The following ACOX3 variants were observed in gnomAD, a reference collection of about 807,000 sequenced individuals.
The protein encoded by ACOX3 is acyl-CoA oxidase 3, pristanoyl.
A neutral mutation model predicts 81.5 loss-of-function variants in ACOX3; 73 were observed. The ratio of observed to expected loss-of-function variants is 0.90; its 90% confidence interval spans 0.74 to 1.09. The LOEUF (loss-of-function observed/expected upper bound fraction) is 1.09. Among genes scored for constraint, ACOX3 ranks in the 50% least tolerant of loss-of-function variants. ACOX3 has a pLI of 0.00. For synonymous variants in ACOX3, 387 were observed against 375.1 expected (o/e 1.03, Z -0.37); for missense variants, 947 against 928.0 (o/e 1.02, Z -0.27).
At chr4:8,375,397 T>C (rs1716819283) in intron 14 of ACOX3, among the ~76,000 whole-genome samples, 1 of 152,210 alleles carries the variant, frequency 6.6e-6, no homozygotes, top group African/African-American at 2.4e-5. Context: ...CTCCAAGGCC[T>C]CAGTCTCAGC....
chr4:8,420,724 G>A (rs1022229530), intron 1 of ACOX3, among the ~76,000 whole-genome samples: 5 of 152,114 alleles, frequency 3.3e-5, no homozygotes, highest in South Asian at 2.1e-4. Context: ...GTTCCAGCTC[G>A]AGCTGAGCTA....
rs62286001 is a variant in ACOX3, at chr4:8,377,136, C to T, written c.1654-1984G>A. On this transcript the variant is annotated intron_variant, in intron 14 of 17. Coordinates refer to ENST00000356406, the MANE Select transcript of ACOX3 (RefSeq NM_003501.3). ...CCACACCCCAAAACGTGCTCCCACA[C>T]CACGAGGGCCTCTCCTCTCGCCATG... is the stretch of plus-strand genomic sequence containing the variant. Among the ~76,000 whole-genome samples the T allele has an allele frequency of 4.8e-4, 73 of 152,264 alleles. 1 individual carries two copies. The highest frequency in any genetic ancestry group is 1.6e-3 in the African/African-American group (65 of 41,568).
chr4:8,436,351 C>T (rs574889525), intron 1 of ACOX3: 39 of 152,172 alleles, frequency 2.6e-4, no homozygotes, highest in South Asian at 8.3e-4. Context: ...TGGACACTGT[C>T]GTTAAGCTGA....
chr4:8,416,360 C>G lies in ACOX3; in HGVS notation c.144+18G>C, dbSNP rs770268716. On this transcript the variant is annotated intron_variant, in intron 2 of 17. Transcript: ENST00000356406. The surrounding 1 kb of genome is among the most constrained non-coding windows in gnomAD (Gnocchi z 4.2). ...CCACTGGGAAAAAAGACAAGCTGCG[C>G]ACAACCGCACGCCTCACCTTAAAGC... The G allele has an allele frequency of 4.3e-6, 7 of 1,614,088 alleles. No individual in the cohort carries two copies. In the South Asian group the frequency reaches 7.7e-5, roughly 18 times the overall value.
chr4:8,379,855 G>A (rs929644852), intron 14 of ACOX3, among the ~76,000 whole-genome samples: 9 of 152,122 alleles, frequency 5.9e-5, no homozygotes, highest in Non-Finnish European at 1.2e-4. Flanking sequence ...ATGTGATCAC[G>A]GCCTACTGCA....
chr4:8,415,921 G>C lies in ACOX3; in HGVS notation c.223C>G (p.Arg75Gly), dbSNP rs745309495. The change falls in exon 3 of 18, where the codon CGC becomes GGC. Residue 75 changes from arginine to glycine, a missense_variant. Physicochemically the swap from Arg to Gly is moderately radical, Grantham distance 125 (BLOSUM62 -2). Transcript: ENST00000356406. Reference protein sequence around the residue: ...PGADLSLEKYRELNFLRCKRI... With the variant: ...PGADLSLEKYGELNFLRCKRI... The stretch of plus-strand genomic sequence containing the variant: ...TTGCATCGAAGGAAGTTCAGCTCGC[G>C]ATACTTCTCCAAGGACAGATCGGCT... The C allele has an allele frequency of 1.2e-6, 2 of 1,614,058 alleles. No individual in the cohort carries two copies. Among genetic ancestry groups the C allele is most frequent in the South Asian group, 1.1e-5 (1 of 91,084 alleles).
In ACOX3 at chr4:8,426,499, T is replaced by C. The variant is rs993137205; in HGVS notation, c.-14-9964A>G. Among the ~76,000 whole-genome samples, 24 of 150,010 alleles carry C rather than the reference T, an allele frequency of 1.6e-4. 1 individual carries two copies. Among genetic ancestry groups the C allele is most frequent in the Admixed American group, 1.5e-3 (23 of 15,092 alleles). On this transcript the variant is annotated intron_variant, in intron 1 of 17. Coordinates refer to ENST00000356406, the MANE Select transcript of ACOX3 (RefSeq NM_003501.3). ...AAGTAACTGGAATCGTAGAGCTCCA[T>C]GGCCCCCCCCGTCATATTTTTCTCT...
At position 8,440,691 on chromosome 4, in the gene ACOX3, A is replaced by T; in HGVS notation, c.-58T>A. ...AACCCCTGCCAGGGAAACCAAAAGC[A>T]GGAAAGGATCTCCAGCGGCGCCATT... is the stretch of plus-strand genomic sequence containing the variant. On this transcript the variant is annotated 5_prime_UTR_variant, in exon 1 of 18. Coordinates refer to ENST00000356406, the MANE Select transcript of ACOX3 (RefSeq NM_003501.3). 8.6e-7 allele frequency: 1 copy of T among 1,163,014 alleles called. No homozygotes were observed. Among genetic ancestry groups the T allele is most frequent in the Non-Finnish European group, 1.1e-6 (1 of 878,846 alleles). The allele number at this position is 1,163,014 out of a possible 1,614,324, so 72.0% of individuals were successfully genotyped here.
downstream of ACOX3, among the ~76,000 whole-genome samples, chr4:8,361,602 T>C (rs1223643121): frequency 1.3e-5 from 2 of 152,074 alleles, no homozygotes; most frequent in Admixed American, 6.5e-5. Flanking sequence ...AAACTGAACA[T>C]GGGAATAAAA....
At chr4:8,427,630 A>G (rs917943766) in intron 1 of ACOX3, among the ~76,000 whole-genome samples, 1 of 152,178 alleles carries the variant, frequency 6.6e-6, no homozygotes, top group African/African-American at 2.4e-5. Flanking sequence ...AGCTTCTAAT[A>G]GAGCTATAAC....
In ACOX3 at chr4:8,440,640, T is replaced by C; in HGVS notation, c.-15+8A>G. On this transcript the variant is annotated splice_region_variant and intron_variant, in intron 1 of 17. Coordinates refer to ENST00000356406, the MANE Select transcript of ACOX3 (RefSeq NM_003501.3). ...AAAAGGGAATAAAACACAGGTCAAA[T>C]TCCTCACCCACACACTCCACAGTTC... 1.5e-6 allele frequency: 1 copy of C among 671,088 alleles called. No individual in the cohort carries two copies. The highest frequency in any genetic ancestry group is 2.3e-6 in the Non-Finnish European group (1 of 442,072). 41.6% of individuals were successfully genotyped at this position (671,088 alleles called of 1,614,324 possible). A position where few individuals can be genotyped will look rare whatever the true frequency, so the allele number is the denominator to read the frequency against.
intron 6 of ACOX3, among the ~76,000 whole-genome samples, chr4:8,409,738 T>C (rs1443829439): frequency 1.4e-5 from 2 of 145,406 alleles, no homozygotes; most frequent in African/African-American, 5.2e-5. Context: ...GGCGGGGCTG[T>C]GGGATACACT....
At chr4:8,358,308 A>C in the ACOX3 span, 1 of 152,094 alleles carries the variant, frequency 6.6e-6, no homozygotes, top group Non-Finnish European at 1.5e-5. Flanking sequence ...ATTCTCTCTG[A>C]AGCCTGCCAT....
chr4:8,420,720 G>C (rs1722845760), intron 1 of ACOX3, among the ~76,000 whole-genome samples: 1 of 152,170 alleles, frequency 6.6e-6, no homozygotes. Flanking sequence ...GTTTGTTCCA[G>C]CTCGAGCTGA....
In ACOX3 at chr4:8,419,666, G is replaced by A. The variant is rs2108999747; in HGVS notation, c.-14-3131C>T. Among the ~76,000 whole-genome samples, 1 of 152,188 alleles carries A rather than the reference G, an allele frequency of 6.6e-6. No individual in the cohort carries two copies. Among genetic ancestry groups the A allele is most frequent in the South Asian group, 2.1e-4 (1 of 4,822 alleles). ...ACCGAAAACATCACGTCCTCAATGT[G>A]TGCAAGGCTCCCCGATTCACACCTC... On this transcript the variant is annotated intron_variant, in intron 1 of 17. Transcript: ENST00000356406. This position sits in a 1 kb window ranked among gnomAD's most constrained non-coding sequence, Gnocchi z 4.2.
Position 8,377,215 on chromosome 4 carries a change from G to A in ACOX3, c.1654-2063C>T, listed in dbSNP as rs1203294365. 2.6e-5 allele frequency among the ~76,000 whole-genome samples: 4 copies of A among 152,294 alleles called. No individual in the cohort carries two copies. The East Asian group carries it at 7.8e-4, about 30-fold the overall frequency. On this transcript the variant is annotated intron_variant, in intron 14 of 17. Transcript: ENST00000356406. ...AATCCCAGCAGGGCCCAGGCACAGA[G>A]AGGCCGTCCTTGAACCGAATCTGAG...
rs983867495 is a variant in ACOX3 at position 8,368,790 on chromosome 4, G to A, written c.1984-1710C>T. ...GTTGGCCAGGCTGGAGTGCAGTGGC[G>A]CGATCACTGCCCACCACAGCCTCGA... On this transcript the variant is annotated intron_variant, in intron 17 of 17. Transcript: ENST00000356406. The surrounding 1 kb of genome is among the most constrained non-coding windows in gnomAD (Gnocchi z 5.9). Among the ~76,000 whole-genome samples, 2 of 150,920 alleles carry A rather than the reference G, an allele frequency of 1.3e-5. No individual in the cohort carries two copies. The highest frequency in any genetic ancestry group is 2.1e-4 in the South Asian group (1 of 4,764).
chr4:8,401,896 A>G (rs1268689944), intron 7 of ACOX3, among the ~76,000 whole-genome samples: 1 of 152,210 alleles, frequency 6.6e-6, no homozygotes, highest in Non-Finnish European at 1.5e-5. Flanking sequence ...CACCCTGGGA[A>G]GGGTATGAGG....
chr4:8,381,461 A>G lies in ACOX3; in HGVS notation c.1653+31T>C. ...GGCCAGGGAATTAAGAGCAAATAAT[A>G]CAAAAGGGAATTTTGAAAACAAATA... is the stretch of plus-strand genomic sequence containing the variant. On this transcript the variant is annotated intron_variant, in intron 14 of 17. Coordinates refer to ENST00000356406, the MANE Select transcript of ACOX3 (RefSeq NM_003501.3). This position sits in a 1 kb window ranked among gnomAD's most constrained non-coding sequence, Gnocchi z 4.3. 6.3e-7 allele frequency: 1 copy of G among 1,592,144 alleles called. No homozygotes were observed.
Sources: allele counts gnomAD v4.1 joint callset (sites outside exome capture counted in the v4.1 genomes callset), GRCh38; gene constraint gnomAD v4.1.1; non-coding constraint Gnocchi (gnomAD v3.1); transcripts MANE v1.5; gene names NCBI Gene and HGNC (gene_info 2026-07-23, HGNC 2026-07-21).